Variants in MEP1A observed in about 807,000 individuals in gnomAD.
MEP1A encodes the protein meprin A subunit alpha.
Under a neutral mutation model 84.5 loss-of-function variants are expected in MEP1A, and 68 were observed. That is an observed-to-expected ratio of 0.80 (90% CI 0.66 to 0.98). MEP1A has a LOEUF of 0.98. Ranked by LOEUF, MEP1A falls within the 50% of genes least tolerant of loss-of-function variation. The probability of loss-of-function intolerance (pLI) is 0.00; values close to 1 mark genes in which losing one functional copy is unlikely to be tolerated. For synonymous variants in MEP1A, 337 were observed against 336.8 expected (o/e 1.00, Z -0.01); for missense variants, 887 against 919.9 (o/e 0.96, Z 0.46).
intron 4 of MEP1A, 40 bp downstream of exon 4, chr6:46,798,686 G>C: frequency 6.4e-7 from 1 of 1,568,854 alleles, no homozygotes; most frequent in South Asian, 1.1e-5. Context: ...TCTCAGGACA[G>C]GCAGTACCAC....
chr6:46,816,517 G>C (rs1470387055), intron 6 of MEP1A, among the ~76,000 whole-genome samples: 1 of 151,766 alleles, frequency 6.6e-6, no homozygotes, highest in Admixed American at 6.6e-5. Context: ...AGAGAAGAAG[G>C]GAGGACAAAT....
downstream of MEP1A, among the ~76,000 whole-genome samples, chr6:46,843,535 G>T (rs1230966464): frequency 2.0e-5 from 3 of 152,168 alleles, no homozygotes; most frequent in Non-Finnish European, 4.4e-5. Flanking sequence ...AATATTTAAA[G>T]TTTTGCAACA....
chr6:46,844,912 C>A, the MEP1A span, among the ~76,000 whole-genome samples: 1 of 142,190 alleles, frequency 7.0e-6, no homozygotes, highest in African/African-American at 2.6e-5. Flanking sequence ...TGGTTTCCCC[C>A]ATGCTGTTCT....
At chr6:46,797,918 C>T (rs1312111093) in intron 3 of MEP1A, among the ~76,000 whole-genome samples, 3 of 31,272 alleles carry the variant, frequency 9.6e-5, no homozygotes, top group Admixed American at 4.1e-4. Flanking sequence ...TTCCTTCCTT[C>T]CTTCCTTCCT....
At chr6:46,819,864 G>C (rs572378793) in intron 7 of MEP1A, among the ~76,000 whole-genome samples, 160 bp downstream of exon 7, 1 of 152,296 alleles carries the variant, frequency 6.6e-6, no homozygotes, top group South Asian at 2.1e-4. Context: ...GGCTGTGCTG[G>C]TCTGACCGGA....
chr6:46,823,798 C>T (rs16875073), intron 7 of MEP1A, among the ~76,000 whole-genome samples: 1,844 of 152,242 alleles, frequency 0.012, 43 homozygotes, highest in African/African-American at 0.042. Flanking sequence ...AGTAAATTCC[C>T]GATGGTTATT....
In MEP1A at chr6:46,835,541, G is replaced by A. The variant is rs373369685; in HGVS notation, c.2076G>A (p.Ala692=). Reference sequence around the variant, plus strand: ...TCTGTGTGAACGTGAAGGGGATGGCGAGCTGCAGGTAGGCTCTGTGGCTGG... The same window carrying A: ...TCTGTGTGAACGTGAAGGGGATGGCAAGCTGCAGGTAGGCTCTGTGGCTGG... ...DGICVNVKGM[A]SCRCISGHAF... Residue 692 remains alanine, a synonymous_variant, in exon 13 of 14, where the codon GCG becomes GCA. Transcript: ENST00000230588. The A allele has an allele frequency of 2.2e-4, 359 of 1,613,410 alleles. 4 individuals are homozygous for A. The South Asian group carries it at 3.0e-3, about 14-fold the overall frequency.
At position 46,835,281 on chromosome 6, in the gene MEP1A, A is replaced by T. The variant is rs2297020; in HGVS notation, c.1816A>T (p.Thr606Ser). ...CCACCTCAGCCAGACTGAAGTTCCC[A>T]CTAAAGGCAAAAGACTGAGCCCCCA... ...ITHLSQTEVP[T>S]KGKRLSPQGL... The change falls in exon 13 of 14, where the codon ACT (threonine) becomes TCT (serine). Residue 606 changes from threonine (T) to serine (S), a missense_variant. Coordinates refer to ENST00000230588, the MANE Select transcript of MEP1A (RefSeq NM_005588.3). 0.26 allele frequency: 409,580 copies of T among 1,600,788 alleles called. 54,302 individuals carry two copies. Among genetic ancestry groups the T allele is most frequent in the African/African-American group, 0.41 (30,437 of 74,598 alleles).
chr6:46,805,279 G>A (rs899163917), intron 5 of MEP1A, among the ~76,000 whole-genome samples: 7 of 151,866 alleles, frequency 4.6e-5, no homozygotes, highest in Admixed American at 1.3e-4. Context: ...AACAATGTAC[G>A]TGAGTTTCGT....
the MEP1A span, among the ~76,000 whole-genome samples, chr6:46,845,723 C>T: frequency 6.6e-6 from 1 of 152,114 alleles, no homozygotes; most frequent in African/African-American, 2.4e-5. Context: ...AGAGAGACAA[C>T]AACATAAAAG....
At chr6:46,802,692 C>G (rs775062593) in intron 5 of MEP1A, among the ~76,000 whole-genome samples, 1 of 151,776 alleles carries the variant, frequency 6.6e-6, no homozygotes, top group Non-Finnish European at 1.5e-5. Flanking sequence ...ATGTGGGACA[C>G]TGTAGGTTTT....
chr6:46,809,676 A>T, intron 6 of MEP1A, 139 bp downstream of exon 6: 1 of 605,856 alleles, frequency 1.7e-6, no homozygotes, highest in Non-Finnish European at 3.0e-6. Flanking sequence ...TATGAGTGAG[A>T]ACATACAATG....
intron 6 of MEP1A, among the ~76,000 whole-genome samples, chr6:46,816,438 G>A (rs1448094240): frequency 6.6e-6 from 1 of 152,084 alleles, no homozygotes; most frequent in Admixed American, 6.5e-5. Context: ...CTGGGTTGCA[G>A]CAGGGCAAGA....
At chr6:46,806,366 C>G (rs1767318810) in intron 5 of MEP1A, among the ~76,000 whole-genome samples, 1 of 152,054 alleles carries the variant, frequency 6.6e-6, no homozygotes, top group South Asian at 2.1e-4. Context: ...AGTTAAATTA[C>G]TGCATGATCA....
At position 46,839,010 on chromosome 6, in the gene MEP1A, G is replaced by T. The variant is rs141276985; in HGVS notation, c.2115G>T (p.Thr705=). The T allele has an allele frequency of 6.2e-7, 1 of 1,613,428 alleles. No homozygotes were observed. Among genetic ancestry groups the T allele is most frequent in the South Asian group, 1.1e-5 (1 of 91,002 alleles). The change falls in exon 14 of 14, where the codon ACG becomes ACT. Residue 705 remains threonine, a synonymous_variant. Coordinates refer to ENST00000230588, the MANE Select transcript of MEP1A (RefSeq NM_005588.3). ...TCTCTGGACATGCTTTCTTCTACAC[G>T]GGGGAGCGCTGTCAGGCCGTGCAGG... is the stretch of plus-strand genomic sequence containing the variant. ...RCISGHAFFY[T]GERCQAVQVH...
At chr6:46,834,415 C>T (rs1230557012) in intron 11 of MEP1A, among the ~76,000 whole-genome samples, 163 bp from the exon 12 acceptor site, 1 of 150,582 alleles carries the variant, frequency 6.6e-6, no homozygotes, top group Non-Finnish European at 1.5e-5. Flanking sequence ...TAATTTTTTT[C>T]CAACACTTTT....
At chr6:46,829,233 C>A in intron 9 of MEP1A, 123 bp from the exon 10 acceptor site, 1 of 743,772 alleles carries the variant, frequency 1.3e-6, no homozygotes, top group Non-Finnish European at 2.3e-6. Context: ...TATTTTCCTC[C>A]GAAGAGTTCT....
chr6:46,825,047 T>A (rs9381484), intron 7 of MEP1A, among the ~76,000 whole-genome samples: 1,128 of 24,604 alleles, frequency 0.046, 231 homozygotes, highest in African/African-American at 0.17. Context: ...ATTTAAATAT[T>A]TATAAATTAT....
chr6:46,793,485 T>G lies in MEP1A; in HGVS notation c.69+18T>G. ...CTGTACCGGTAAGTCGAGTCCTGCTTTTTGGATATTTAGAAATATTAATTC... is the reference window on the plus strand; with the variant it reads ...CTGTACCGGTAAGTCGAGTCCTGCTGTTTGGATATTTAGAAATATTAATTC... On this transcript the variant is annotated intron_variant, in intron 1 of 13. Transcript: ENST00000230588. 1 of 1,606,846 alleles carries G rather than the reference T, an allele frequency of 6.2e-7. No homozygotes were observed. The highest frequency in any genetic ancestry group is 8.5e-7 in the Non-Finnish European group (1 of 1,175,188).
Sources: gnomAD v4.1 joint callset for allele counts (sites outside exome capture counted in the v4.1 genomes callset) on GRCh38, gnomAD v4.1.1 for gene constraint, MANE v1.5 for transcripts, NCBI Gene and HGNC (gene_info 2026-07-23, HGNC 2026-07-21) for gene names.